The following ADGRB3 variants were observed in gnomAD, a reference collection of about 807,000 sequenced individuals.
The protein encoded by ADGRB3 is adhesion G protein-coupled receptor B3, also known as brain-specific angiogenesis inhibitor 3.
In ADGRB3, 37 loss-of-function variants were observed where a neutral mutation model predicts 193.4. That is an observed-to-expected ratio of 0.19 (90% CI 0.15 to 0.25). ADGRB3 has a LOEUF of 0.25. ADGRB3 is among the 10% of genes least tolerant of loss of function. The pLI, the probability that ADGRB3 is intolerant of heterozygous loss-of-function variation, is 1.00. For missense variants in ADGRB3, 1,637 were observed against 1,852.9 expected (o/e 0.88, Z 2.14); for synonymous variants, 690 against 644.2 (o/e 1.07, Z -1.08).
chr6:69,321,950 A>G (rs1768464365), intron 20 of ADGRB3, among the ~76,000 whole-genome samples: 1 of 151,848 alleles, frequency 6.6e-6, no homozygotes, highest in Non-Finnish European at 1.5e-5. Flanking sequence ...CAGATTATTT[A>G]TCACTTAGGT....
intron 3 of ADGRB3, among the ~76,000 whole-genome samples, chr6:68,713,479 T>C (rs779385339): frequency 4.0e-5 from 6 of 150,414 alleles, no homozygotes; most frequent in Non-Finnish European, 4.5e-5. Flanking sequence ...TCTGCCTCCA[T>C]CTTTGCTTCT....
chr6:68,962,694 G>A (rs1768269731), intron 8 of ADGRB3, among the ~76,000 whole-genome samples: 1 of 151,918 alleles, frequency 6.6e-6, no homozygotes, highest in South Asian at 2.1e-4. Context: ...TTTAGGAACT[G>A]TTTAACAATT....
chr6:68,683,222 T>G, intron 3 of ADGRB3, among the ~76,000 whole-genome samples: 1 of 152,208 alleles, frequency 6.6e-6, no homozygotes, highest in Non-Finnish European at 1.5e-5. Flanking sequence ...AATTGATTCA[T>G]AATTCTGTTT....
chr6:68,898,603 C>G (rs1010104994), intron 3 of ADGRB3, among the ~76,000 whole-genome samples: 1 of 152,194 alleles, frequency 6.6e-6, no homozygotes, highest in Admixed American at 6.6e-5. Flanking sequence ...CTCCCCAACC[C>G]TTAGACATGG....
intron 3 of ADGRB3, among the ~76,000 whole-genome samples, chr6:68,772,374 T>G (rs1422943074): frequency 2.0e-5 from 3 of 152,066 alleles, no homozygotes; most frequent in Admixed American, 2.0e-4. Flanking sequence ...TAATTTCAGA[T>G]TTGAATTTTT....
rs1767771108 is a variant in ADGRB3, at chr6:69,294,738, T to C, written c.2815-30134T>C. On this transcript the variant is annotated intron_variant, in intron 20 of 31. Transcript: ENST00000370598. ...TTGATGAGAGATACTGCCTGGGTTA[T>C]ATAACAATTCAATTCCTAGTTGTTT... 2.0e-5 allele frequency among the ~76,000 whole-genome samples: 3 copies of C among 152,222 alleles called. No homozygotes were observed. In the South Asian group the frequency reaches 6.2e-4, roughly 32 times the overall value.
At chr6:68,674,830 A>C (rs146796022) in intron 3 of ADGRB3, among the ~76,000 whole-genome samples, 1 of 152,298 alleles carries the variant, frequency 6.6e-6, no homozygotes, top group East Asian at 1.9e-4. Context: ...AAAGAGGCAA[A>C]ATTTAATTCA....
intron 30 of ADGRB3, among the ~76,000 whole-genome samples, chr6:69,380,306 A>G (rs1011744428): frequency 6.6e-6 from 1 of 151,984 alleles, no homozygotes; most frequent in African/African-American, 2.4e-5. Context: ...AGGAATATCA[A>G]TGGACATTTC....
At chr6:68,963,912 C>T (rs1768305804) in intron 8 of ADGRB3, among the ~76,000 whole-genome samples, 3 of 152,164 alleles carry the variant, frequency 2.0e-5, no homozygotes, top group Admixed American at 2.0e-4. Flanking sequence ...TCTCAGCCTT[C>T]TGAATCCCTG....
intron 3 of ADGRB3, among the ~76,000 whole-genome samples, chr6:68,667,520 T>C (rs1412834446): frequency 6.6e-6 from 1 of 151,870 alleles, no homozygotes; most frequent in Non-Finnish European, 1.5e-5. Flanking sequence ...AGTCAAACAA[T>C]TTTTAGAATA....
At chr6:68,869,304 T>G (rs998431420) in intron 3 of ADGRB3, among the ~76,000 whole-genome samples, 1 of 152,220 alleles carries the variant, frequency 6.6e-6, no homozygotes, top group African/African-American at 2.4e-5. Flanking sequence ...TATTTACAAT[T>G]TTAACTATGA....
At chr6:69,156,467 G>A (rs1375478114) in intron 17 of ADGRB3, among the ~76,000 whole-genome samples, 1 of 152,178 alleles carries the variant, frequency 6.6e-6, no homozygotes, top group African/African-American at 2.4e-5. Context: ...GAAACAGCTT[G>A]ATGTGGCAAA....
intron 20 of ADGRB3, among the ~76,000 whole-genome samples, chr6:69,288,102 G>T (rs894478533): frequency 6.6e-6 from 1 of 151,984 alleles, no homozygotes; most frequent in African/African-American, 2.4e-5. Context: ...GAACGTGCAG[G>T]TTTGTTACAT....
At chr6:68,786,189 T>G (rs893260098) in intron 3 of ADGRB3, among the ~76,000 whole-genome samples, 3 of 152,188 alleles carry the variant, frequency 2.0e-5, no homozygotes, top group African/African-American at 7.2e-5. Flanking sequence ...TCGCTTTTGT[T>G]GCCATTGCTT....
chr6:68,655,971 C>A (rs1239170798), intron 3 of ADGRB3, among the ~76,000 whole-genome samples: 1 of 151,496 alleles, frequency 6.6e-6, no homozygotes, highest in Non-Finnish European at 1.5e-5. Context: ...ACTTAAAAAT[C>A]TCTATTCTGA....
chr6:69,320,787 A>C (rs1321984), intron 20 of ADGRB3, among the ~76,000 whole-genome samples: 150,901 of 151,510 alleles, frequency 1, 75,150 homozygotes, highest in Middle Eastern at 1. Context: ...TCTGTTTTCA[A>C]AGATTTCATC....
chr6:69,233,402 C>T lies in ADGRB3; in HGVS notation c.2593C>T (p.Gln865Ter). ...RLSTFAILAQ[Q>*]PREIIMESSG... ...CTCTACCTTCGCCATTTTGGCTCAG[C>T]AACCTAGAGAAATAGTAAGTAACAA... The change falls in exon 18 of 32, where the codon CAA (glutamine) becomes TAA (stop). Residue 865 changes from glutamine to a stop codon, truncating the protein, a stop_gained. Coordinates refer to ENST00000370598, the MANE Select transcript of ADGRB3 (RefSeq NM_001704.3). LOFTEE classifies it high-confidence loss of function. The T allele has an allele frequency of 6.2e-7, 1 of 1,614,010 alleles. No individual in the cohort carries two copies.
Position 69,240,344 on chromosome 6 carries a change from C to T in ADGRB3, c.2814+1118C>T, listed in dbSNP as rs148396594. 5.6e-3 allele frequency among the ~76,000 whole-genome samples: 845 copies of T among 152,166 alleles called. 9 individuals are homozygous for T. The highest frequency in any genetic ancestry group is 0.019 in the African/African-American group (781 of 41,540). Reference sequence around the variant, plus strand: ...CCTGAAGGAAAAACAAAAATGACAACCCCATCAAGGGCCCTGTAGAAATAA... The same window carrying T: ...CCTGAAGGAAAAACAAAAATGACAATCCCATCAAGGGCCCTGTAGAAATAA... On this transcript the variant is annotated intron_variant, in intron 20 of 31. Transcript: ENST00000370598.
intron 3 of ADGRB3, among the ~76,000 whole-genome samples, chr6:68,896,972 TC>T (rs1461358970): frequency 1.3e-5 from 2 of 152,048 alleles, no homozygotes; most frequent in Non-Finnish European, 2.9e-5. Flanking sequence ...CAAAAGCCAC[TC>T]CCAGCAGCTC....
Sources: gnomAD v4.1 joint callset for allele counts (sites outside exome capture counted in the v4.1 genomes callset) on GRCh38, gnomAD v4.1.1 for gene constraint, MANE v1.5 for transcripts, NCBI Gene and HGNC (gene_info 2026-07-23, HGNC 2026-07-21) for gene names.